BICD1: variants seen among roughly 807,000 people sequenced by gnomAD.
BICD1 encodes the protein BICD cargo adaptor 1, also known as protein bicaudal D homolog 1.
BICD1 carries 35 observed loss-of-function variants against 92.5 expected under a neutral mutation model. The ratio of observed to expected loss-of-function variants is 0.38; its 90% CI spans 0.29 to 0.50. The LOEUF is 0.50. BICD1 is among the 20% of genes least tolerant of loss of function. The pLI, the probability that BICD1 is intolerant of heterozygous loss-of-function variation, is 0.93. For synonymous variants in BICD1, 429 were observed against 465.1 expected (o/e 0.92, Z 1.00); for missense variants, 950 against 1,189.8 (o/e 0.80, Z 2.97).
chr12:32,177,089 C>T (rs11051831), intron 1 of BICD1, among the ~76,000 whole-genome samples: 23,684 of 151,466 alleles, frequency 0.16, 2,648 homozygotes, highest in African/African-American at 0.32. Context: ...CTGAGGCGGG[C>T]GCATGCCTTG....
intron 2 of BICD1, among the ~76,000 whole-genome samples, chr12:32,277,504 T>G (rs574538709): frequency 4.5e-4 from 69 of 152,370 alleles, no homozygotes; most frequent in African/African-American, 1.6e-3. Flanking sequence ...TATTTTAAGC[T>G]TTCTTTTTCA....
At chr12:32,341,112 A>G (rs988246203) in intron 8 of BICD1, among the ~76,000 whole-genome samples, 9 of 152,198 alleles carry the variant, frequency 5.9e-5, no homozygotes, top group Admixed American at 5.9e-4. Flanking sequence ...TGAGAGTACC[A>G]TATATTGTCT....
chr12:32,343,008 C>G (rs1441753813), intron 8 of BICD1, among the ~76,000 whole-genome samples: 1 of 152,202 alleles, frequency 6.6e-6, no homozygotes, highest in Non-Finnish European at 1.5e-5. Context: ...CTTCTGCAAC[C>G]TCAGCCCTTA....
At chr12:32,235,508 A>T (rs1025875968) in intron 2 of BICD1, among the ~76,000 whole-genome samples, 8 of 151,880 alleles carry the variant, frequency 5.3e-5, no homozygotes, top group African/African-American at 1.9e-4. Flanking sequence ...AAACACAGGC[A>T]TACTGTGTCT....
chr12:32,364,377 T>G (rs1939449464), intron 8 of BICD1, among the ~76,000 whole-genome samples: 1 of 152,104 alleles, frequency 6.6e-6, no homozygotes, highest in African/African-American at 2.4e-5. Context: ...GCCTGCAGCA[T>G]CTCAGAGCTA....
At chr12:32,316,135 CAA>C (rs79211021) in intron 4 of BICD1, among the ~76,000 whole-genome samples, 1 of 144,272 alleles carries the variant, frequency 6.9e-6, no homozygotes, top group Non-Finnish European at 1.5e-5. Flanking sequence ...GACCCTGTCT[CAA>C]AAAAAAAAAA....
At chr12:32,296,902 C>T (rs1474110768) in intron 3 of BICD1, among the ~76,000 whole-genome samples, 1 of 152,146 alleles carries the variant, frequency 6.6e-6, no homozygotes, top group Non-Finnish European at 1.5e-5. Context: ...TGCCCTTCTC[C>T]CAGTAATTGA....
At chr12:32,341,931 T>C (rs1938381385) in intron 8 of BICD1, among the ~76,000 whole-genome samples, 1 of 151,896 alleles carries the variant, frequency 6.6e-6, no homozygotes, top group Non-Finnish European at 1.5e-5. Flanking sequence ...TGACATATAA[T>C]ACCAGTCTTA....
At chr12:32,233,536 C>CTCCT (rs1416237326) in intron 2 of BICD1, among the ~76,000 whole-genome samples, 6 of 151,054 alleles carry the variant, frequency 4.0e-5, no homozygotes, top group Admixed American at 1.3e-4. Context: ...CCCCTTCCTC[C>CTCCT]TCCTTCCTTC....
At chr12:32,181,335 G>A (rs1301434095) in intron 1 of BICD1, among the ~76,000 whole-genome samples, 8 of 151,514 alleles carry the variant, frequency 5.3e-5, no homozygotes, top group East Asian at 1.9e-4. Context: ...CAGGAGAATC[G>A]CTTGGACCTG....
chr12:32,272,361 G>C (rs769285297), intron 2 of BICD1, among the ~76,000 whole-genome samples: 1 of 152,176 alleles, frequency 6.6e-6, no homozygotes, highest in Non-Finnish European at 1.5e-5. Flanking sequence ...CTTCCAAGCT[G>C]TATGTCTACA....
In BICD1 at chr12:32,313,657, A is replaced by G. The variant is rs1948432375; in HGVS notation, c.1005+7535A>G. Among the ~76,000 whole-genome samples the G allele has an allele frequency of 6.6e-6, 1 of 152,244 alleles. No individual in the cohort carries two copies. The highest frequency in any genetic ancestry group is 2.4e-5 in the African/African-American group (1 of 41,472). On this transcript the variant is annotated intron_variant, in intron 4 of 9. Coordinates refer to ENST00000652176, the MANE Select transcript of BICD1 (RefSeq NM_001714.4). This position sits in a 1 kb window ranked among gnomAD's most constrained non-coding sequence, Gnocchi z 4.2. Reference sequence around the variant, plus strand: ...CCTAGTACAAAGCTGACAAATGGCTAAACTATTACAGATTTTATAGTTAGA... The same window carrying G: ...CCTAGTACAAAGCTGACAAATGGCTGAACTATTACAGATTTTATAGTTAGA...
intron 8 of BICD1, 62 bp downstream of exon 8, chr12:32,339,041 C>T (rs1938252312): frequency 4.8e-6 from 7 of 1,472,056 alleles, no homozygotes; most frequent in Non-Finnish European, 5.3e-6. Flanking sequence ...CTCTCCCCTT[C>T]CTTCCGGTCA....
chr12:32,157,906 A>G (rs1592389727), intron 1 of BICD1, among the ~76,000 whole-genome samples: 1 of 152,182 alleles, frequency 6.6e-6, no homozygotes, highest in East Asian at 1.9e-4. Context: ...GCTCCCCACT[A>G]TTAGCTGTGA....
chr12:32,141,220 G>A lies in BICD1; in HGVS notation c.213+33676G>A, dbSNP rs142602271. Among the ~76,000 whole-genome samples, 1,299 of 152,238 alleles carry A rather than the reference G, an allele frequency of 8.5e-3. 11 individuals carry two copies. Among genetic ancestry groups the A allele is most frequent in the Non-Finnish European group, 0.014 (931 of 68,012 alleles). On this transcript the variant is annotated intron_variant, in intron 1 of 9. Coordinates refer to ENST00000652176, the MANE Select transcript of BICD1 (RefSeq NM_001714.4). ...TATAATTCAAACAAGACAGCGTTTC[G>A]ATGTTGCACTCCTGTCTTATTAGAT...
chr12:32,224,706 G>A (rs1039443665), intron 2 of BICD1, among the ~76,000 whole-genome samples: 9 of 151,942 alleles, frequency 5.9e-5, no homozygotes, highest in African/African-American at 1.5e-4. Context: ...CAGTTGTATC[G>A]ATTTTATTTT....
intron 2 of BICD1, among the ~76,000 whole-genome samples, chr12:32,216,815 T>A (rs1945375710): frequency 6.6e-6 from 1 of 152,240 alleles, no homozygotes; most frequent in African/African-American, 2.4e-5. Context: ...TGTAATGCTC[T>A]GTATCTGCCT....
At chr12:32,112,001 CTT>C (rs35592483) in intron 1 of BICD1, among the ~76,000 whole-genome samples, 29 of 97,084 alleles carry the variant, frequency 3.0e-4, no homozygotes, top group African/African-American at 5.5e-4. Flanking sequence ...TGCACTATCC[CTT>C]TTTTTTTTTT....
At chr12:32,338,745 T>C in intron 7 of BICD1, 41 bp from the exon 8 acceptor site, 1 of 1,513,744 alleles carries the variant, frequency 6.6e-7, no homozygotes, top group Non-Finnish European at 8.9e-7. Flanking sequence ...AAGTAAAACT[T>C]TTTTGTTTCC....
Sources: allele counts gnomAD v4.1 joint callset (sites outside exome capture counted in the v4.1 genomes callset), GRCh38; gene constraint gnomAD v4.1.1; non-coding constraint Gnocchi (gnomAD v3.1); transcripts MANE v1.5; gene names NCBI Gene and HGNC (gene_info 2026-07-23, HGNC 2026-07-21).